Variants in MAN2B1 observed in about 807,000 individuals in gnomAD.
The protein encoded by MAN2B1 is mannosidase alpha class 2B member 1, also known as lysosomal alpha-mannosidase.
In MAN2B1, 99 loss-of-function variants were observed where a neutral mutation model predicts 127.5. The ratio of observed to expected loss-of-function variants is 0.78; its 90% CI spans 0.66 to 0.92. The LOEUF (loss-of-function observed/expected upper bound fraction) is 0.92. MAN2B1 is among the 40% of genes least tolerant of loss of function. The pLI, the probability that MAN2B1 is intolerant of heterozygous loss-of-function variation, is 0.00. For missense variants in MAN2B1, 1,304 were observed against 1,384.8 expected, an observed-to-expected ratio of 0.94 and a Z score of 0.93; for synonymous variants, 573 against 568.8, an observed-to-expected ratio of 1.01 and a Z score of -0.11.
rs754654189 is a variant in MAN2B1, at chr19:12,658,530, A to C, written c.1027-20T>G. ...TGCCTGCTGCTGGGGGAGGCGACGG[A>C]GTGAGCCCTCGGGAGTCCGCACCTT... On this transcript the variant is annotated intron_variant, in intron 7 of 23. Transcript: ENST00000456935. The C allele has an allele frequency of 6.2e-7, 1 of 1,613,092 alleles. No individual in the cohort carries two copies. Among genetic ancestry groups the C allele is most frequent in the South Asian group, 1.1e-5 (1 of 91,010 alleles).
chr19:12,656,769 G>A lies in MAN2B1; in HGVS notation c.1528-82C>T. 3.4e-6 allele frequency: 4 copies of A among 1,162,742 alleles called. No homozygotes were observed. The South Asian group carries it at 4.9e-5, about 14-fold the overall frequency. The allele number at this position is 1,162,742 out of a possible 1,614,324, so 72.0% of individuals were successfully genotyped here. ...CCCACTTTGCACAGAAACACCCCTG[G>A]CTGGTCCTAGTGTGGTCACGGCACT... is the stretch of plus-strand genomic sequence containing the variant. On this transcript the variant is annotated intron_variant, in intron 12 of 23. Coordinates refer to ENST00000456935, the MANE Select transcript of MAN2B1 (RefSeq NM_000528.4).
Position 12,658,349 on chromosome 19 carries a change from A to C in MAN2B1, c.1110-5T>G, listed in dbSNP as rs779580825. 6.2e-6 allele frequency: 10 copies of C among 1,614,206 alleles called. No homozygotes were observed. The South Asian group carries it at 9.9e-5, about 16-fold the overall frequency. On this transcript the variant is annotated splice_region_variant and splice_polypyrimidine_tract_variant and intron_variant, in intron 8 of 23. Coordinates refer to ENST00000456935, the MANE Select transcript of MAN2B1 (RefSeq NM_000528.4). ...AAGTCGTCATGTTTCACTGACCTAC[A>C]GCGGCAGGGGCATTGAGGGCAGGGT...
chr19:12,650,020 C>A lies in MAN2B1; in HGVS notation c.2166-6G>T. ...CCTCCTTCCCCCAGGTGTCGCTGTACCCAATGGGATGGCAAGGTTGTGAGC... is the reference window on the plus strand; with the variant it reads ...CCTCCTTCCCCCAGGTGTCGCTGTAACCAATGGGATGGCAAGGTTGTGAGC... On this transcript the variant is annotated splice_polypyrimidine_tract_variant and splice_region_variant and intron_variant, in intron 17 of 23. Transcript: ENST00000456935. 6.2e-7 allele frequency: 1 copy of A among 1,613,576 alleles called. No individual in the cohort carries two copies. The highest frequency in any genetic ancestry group is 2.2e-5 in the East Asian group (1 of 44,870).
chr19:12,658,370 A>G (rs1400171237), intron 8 of MAN2B1, 26 bp from the exon 9 acceptor site: 1 of 1,614,118 alleles, frequency 6.2e-7, no homozygotes, highest in African/African-American at 1.3e-5. Context: ...CATTGAGGGC[A>G]GGGTCATGAC....
intron 17 of MAN2B1, 22 bp from the exon 18 acceptor site, chr19:12,650,036 G>A: frequency 1.2e-6 from 2 of 1,612,382 alleles, no homozygotes; most frequent in African/African-American, 1.3e-5. Context: ...GGGATGGCAA[G>A]GTTGTGAGCC....
chr19:12,656,063 A>C (rs1432448655), intron 13 of MAN2B1, 184 bp from the exon 14 acceptor site: 2 of 578,116 alleles, frequency 3.5e-6, no homozygotes, highest in Non-Finnish European at 6.1e-6. Flanking sequence ...AGGTGGAAAA[A>C]AAAACCCACC....
chr19:12,655,844 G>A lies in MAN2B1; in HGVS notation c.1680C>T (p.His560=). The change falls in exon 14 of 24, where the codon CAC becomes CAT. Residue 560 remains histidine (H), a synonymous_variant. Transcript: ENST00000456935. The part of the protein sequence containing the change: ...VIFPSSDSQA[H]PPELLFSASL... ...AGGCTGAGAACAGCAGCTCCGGAGGGTGCGCCTGGCTGTCTGAGCTGGGAA... is the reference window on the plus strand; with the variant it reads ...AGGCTGAGAACAGCAGCTCCGGAGGATGCGCCTGGCTGTCTGAGCTGGGAA... 2 of 1,613,966 alleles carry A rather than the reference G, an allele frequency of 1.2e-6. No individual in the cohort carries two copies. The highest frequency in any genetic ancestry group is 1.7e-6 in the Non-Finnish European group (2 of 1,180,014).
Position 12,655,736 on chromosome 19 carries a change from G to C in MAN2B1, c.1788C>G (p.Ile596Met), listed in dbSNP as rs969379236. ...WKPQARAPQP[I>M]PRRSWSPALT... ...AAGCAGGGGACCAGGATCTTCTGGG[G>C]ATGGGCTGTGGTGCGCGGGCCTGGG... Residue 596 changes from isoleucine to methionine, a missense_variant, in exon 14 of 24, where the codon ATC becomes ATG. By Grantham distance (10) the Ile-to-Met change is conservative (BLOSUM62 1). Coordinates refer to ENST00000456935, the MANE Select transcript of MAN2B1 (RefSeq NM_000528.4). 3.7e-6 allele frequency: 6 copies of C among 1,609,000 alleles called. No homozygotes were observed. Among genetic ancestry groups the C allele is most frequent in the Non-Finnish European group, 4.3e-6 (5 of 1,176,410 alleles).
Position 12,647,662 on chromosome 19 carries a change from C to A in MAN2B1, c.2665-64G>T. On this transcript the variant is annotated intron_variant, in intron 21 of 23. Coordinates refer to ENST00000456935, the MANE Select transcript of MAN2B1 (RefSeq NM_000528.4). This position sits in a 1 kb window ranked among gnomAD's most constrained non-coding sequence, Gnocchi z 4.9. ...GGGCCTGGATGGAGAAGGGCGGGGC[C>A]GAGCCAGGTCAGGAGGCAGGGCTAG... The A allele has an allele frequency of 2.8e-6, 4 of 1,450,516 alleles. No homozygotes were observed. Among genetic ancestry groups the A allele is most frequent in the Non-Finnish European group, 3.8e-6 (4 of 1,065,750 alleles). 89.9% of individuals were successfully genotyped at this position (1,450,516 alleles called of 1,614,324 possible). A position where few individuals can be genotyped will look rare whatever the true frequency, so the allele number is the denominator to read the frequency against.
intron 6 of MAN2B1, among the ~76,000 whole-genome samples, 166 bp downstream of exon 6, chr19:12,663,151 T>C (rs185664879): frequency 5.9e-5 from 9 of 151,600 alleles, no homozygotes; most frequent in East Asian, 1.9e-4. Flanking sequence ...GAGGCAGAGG[T>C]TGCAGTGAGC....
rs970581945 is a variant in MAN2B1 at position 12,664,641 on chromosome 19, G to C, written c.630+151C>G. On this transcript the variant is annotated intron_variant, in intron 4 of 23. Transcript: ENST00000456935. Reference sequence around the variant, plus strand: ...TGAGGCCAGAGCTCAAAAGCCACTGGCTTTACGGCTCACTCAAGGGGCAGG... The same window carrying C: ...TGAGGCCAGAGCTCAAAAGCCACTGCCTTTACGGCTCACTCAAGGGGCAGG... The C allele has an allele frequency of 3.5e-6, 3 of 858,744 alleles. No homozygotes were observed. In the East Asian group the frequency reaches 8.0e-5, roughly 23 times the overall value. The allele number at this position is 858,744 out of a possible 1,614,324, so 53.2% of individuals were successfully genotyped here. A position where few individuals can be genotyped will look rare whatever the true frequency, so the allele number is the denominator to read the frequency against.
At position 12,652,196 on chromosome 19, in the gene MAN2B1, T is replaced by C. The variant is rs1451614834; in HGVS notation, c.2003A>G (p.Lys668Arg). ...AGCCCAGCGGCTCACAGGCAGCGGT[T>C]TCTGTTGGTTGGGTCTGAAGATGTA... ...GAYIFRPNQQ[K>R]PLPVSRWAQI... Residue 668 changes from lysine to arginine, a missense_variant, in exon 16 of 24, where the codon AAA becomes AGA. Transcript: ENST00000456935. 1 of 1,614,030 alleles carries C rather than the reference T, an allele frequency of 6.2e-7. No individual in the cohort carries two copies. Among genetic ancestry groups the C allele is most frequent in the African/African-American group, 1.3e-5 (1 of 74,918 alleles).
chr19:12,650,858 C>T (rs1000443506), intron 16 of MAN2B1, among the ~76,000 whole-genome samples: 4 of 149,588 alleles, frequency 2.7e-5, no homozygotes, highest in Non-Finnish European at 5.9e-5. Context: ...TTAGTAGAGA[C>T]GGGGTTTCTA....
At position 12,662,041 on chromosome 19, in the gene MAN2B1, C is replaced by T. The variant is rs771145407; in HGVS notation, c.910-665G>A. On this transcript the variant is annotated intron_variant, in intron 6 of 23. Transcript: ENST00000456935. ...TGTATTTTTAGTAGAGACAGGGTTT[C>T]GTCATTTTGGCTATGCTGGTCTTGA... Among the ~76,000 whole-genome samples, 6 of 152,046 alleles carry T rather than the reference C, an allele frequency of 3.9e-5. No homozygotes were observed. In the South Asian group the frequency reaches 6.2e-4, roughly 16 times the overall value.
In MAN2B1 at chr19:12,665,171, G is replaced by T; in HGVS notation, c.436+181C>A. 3.9e-6 allele frequency: 4 copies of T among 1,036,998 alleles called. No individual in the cohort carries two copies. In the South Asian group the frequency reaches 5.1e-5, roughly 13 times the overall value. The allele number at this position is 1,036,998 out of a possible 1,614,324, so 64.2% of individuals were successfully genotyped here. A position where few individuals can be genotyped will look rare whatever the true frequency, so the allele number is the denominator to read the frequency against. On this transcript the variant is annotated intron_variant, in intron 3 of 23. Transcript: ENST00000456935. ...CCCCTGCATGGCAGGCTTCCCAGAGGATGCACAGCAGGTGGGGCTTTGTGG... is the reference window on the plus strand; with the variant it reads ...CCCCTGCATGGCAGGCTTCCCAGAGTATGCACAGCAGGTGGGGCTTTGTGG...
chr19:12,649,885 C>T (rs759094537), intron 18 of MAN2B1, 28 bp downstream of exon 18: 1 of 1,572,446 alleles, frequency 6.4e-7, no homozygotes, highest in South Asian at 1.1e-5. Context: ...CACAGACCAC[C>T]CCCTCAGTGC....
At chr19:12,652,068 C>G in intron 16 of MAN2B1, 85 bp downstream of exon 16, 1 of 1,001,016 alleles carries the variant, frequency 1.0e-6, no homozygotes, top group Non-Finnish European at 1.6e-6. Flanking sequence ...CTCCCCTACC[C>G]TCACTCTACA....
chr19:12,663,701 A>G lies in MAN2B1; in HGVS notation c.763+2T>C. ...TGGCCCTGCCCTCACCAAGCCCCCTACCAGTGAAGAGGTCCGCGGTCGGGG... is the reference window on the plus strand; with the variant it reads ...TGGCCCTGCCCTCACCAAGCCCCCTGCCAGTGAAGAGGTCCGCGGTCGGGG... On this transcript the variant is annotated splice_donor_variant, in intron 5 of 23. Coordinates refer to ENST00000456935, the MANE Select transcript of MAN2B1 (RefSeq NM_000528.4). LOFTEE classifies it high-confidence loss of function. The G allele has an allele frequency of 6.2e-7, 1 of 1,608,552 alleles. No individual in the cohort carries two copies. The highest frequency in any genetic ancestry group is 8.5e-7 in the Non-Finnish European group (1 of 1,177,800).
intron 1 of MAN2B1, among the ~76,000 whole-genome samples, chr19:12,666,142 A>C (rs1269367457): frequency 6.6e-6 from 1 of 152,152 alleles, no homozygotes; most frequent in African/African-American, 2.4e-5. Context: ...ACTGAGGCTT[A>C]GAGAGGATAG....
Sources: allele counts gnomAD v4.1 joint callset (sites outside exome capture counted in the v4.1 genomes callset), GRCh38; gene constraint gnomAD v4.1.1; non-coding constraint Gnocchi (gnomAD v3.1); transcripts MANE v1.5; gene names NCBI Gene and HGNC (gene_info 2026-07-23, HGNC 2026-07-21).